GCC1: variants seen among roughly 807,000 people sequenced by gnomAD.
GCC1 encodes GRIP and coiled-coil domain-containing protein 1.
GCC1 carries 36 observed loss-of-function variants against 62.5 expected under a neutral mutation model. The observed-to-expected ratio is 0.58, with a 90% confidence interval of 0.44 to 0.76. The LOEUF is 0.76. Among genes scored for constraint, GCC1 ranks in the 30% least tolerant of loss-of-function variants. The pLI, the probability that GCC1 is intolerant of heterozygous loss-of-function variation, is 0.00. For synonymous variants in GCC1, 391 were observed against 386.8 expected (o/e 1.01, Z -0.13); for missense variants, 885 against 948.3 (o/e 0.93, Z 0.88).
Position 127,585,248 on chromosome 7 carries a change from AGGCG to A in GCC1, c.-70_-67del. The A allele has an allele frequency of 4.1e-6, 6 of 1,447,150 alleles. No homozygotes were observed. Among genetic ancestry groups the A allele is most frequent in the Non-Finnish European group, 4.6e-6 (5 of 1,078,040 alleles). The allele number at this position is 1,447,150 out of a possible 1,614,324, so 89.6% of individuals were successfully genotyped here. On this transcript the variant is annotated 5_prime_UTR_variant, in exon 1 of 2. Transcript: ENST00000321407. ...GAACGGGAGAGGGCCGTGAAGACGC[AGGCG>A]GGGGCTTAAAGAAACAGCGAGCGGG...
At position 127,585,231 on chromosome 7, in the gene GCC1, G is replaced by C; in HGVS notation, c.-49C>G. 1 of 1,508,774 alleles carries C rather than the reference G, an allele frequency of 6.6e-7. No individual in the cohort carries two copies. Among genetic ancestry groups the C allele is most frequent in the Non-Finnish European group, 8.9e-7 (1 of 1,128,640 alleles). The allele number at this position is 1,508,774 out of a possible 1,614,324, so 93.5% of individuals were successfully genotyped here. ...ACGTCAGCTTTCCAGCAGAACGGGA[G>C]AGGGCCGTGAAGACGCAGGCGGGGG... On this transcript the variant is annotated 5_prime_UTR_variant, in exon 1 of 2. Transcript: ENST00000321407.
rs1014979619 is a variant in GCC1, at chr7:127,582,046, T to G, written c.2296A>C (p.Ser766Arg). ...EKQVIMRLPTSASWWPSGKR is the reference protein window; with the variant it reads ...EKQVIMRLPTRASWWPSGKR ...TTGCCAGAAGGCCACCAGCTGGCAC[T>G]GGTTGGGAGTCGCATTATCACTTGT... The change falls in exon 2 of 2, where the codon AGT (serine) becomes CGT (arginine). Residue 766 changes from serine to arginine, a missense_variant. Transcript: ENST00000321407. This position sits in a 1 kb window ranked among gnomAD's most constrained non-coding sequence, Gnocchi z 4.8. The G allele has an allele frequency of 1.5e-5, 24 of 1,613,054 alleles. No individual in the cohort carries two copies. The Middle Eastern group carries it at 2.6e-3, about 178-fold the overall frequency.
Position 127,582,133 on chromosome 7 carries a change from G to T in GCC1, c.2209C>A (p.Leu737Met). Residue 737 changes from leucine to methionine, a missense_variant, in exon 2 of 2, where the codon CTG becomes ATG. Leu to Met is a conservative substitution (Grantham distance 15). Coordinates refer to ENST00000321407, the MANE Select transcript of GCC1 (RefSeq NM_024523.6). This position sits in a 1 kb window ranked among gnomAD's most constrained non-coding sequence, Gnocchi z 4.8. ...IYRFLTLPDS[L>M]GRQQTLTAIL... Reference sequence around the variant, plus strand: ...GCTGTGAGAGTCTGCTGGCGGCCCAGGGAGTCAGGTAAGGTCAGGAAGCGG... The same window carrying T: ...GCTGTGAGAGTCTGCTGGCGGCCCATGGAGTCAGGTAAGGTCAGGAAGCGG... 1 of 1,614,178 alleles carries T rather than the reference G, an allele frequency of 6.2e-7. No homozygotes were observed. The highest frequency in any genetic ancestry group is 8.5e-7 in the Non-Finnish European group (1 of 1,180,018).
rs1185124779 is a variant in GCC1 at position 127,582,754 on chromosome 7, T to C, written c.1588A>G (p.Lys530Glu). 1.2e-6 allele frequency: 2 copies of C among 1,613,708 alleles called. No individual in the cohort carries two copies. The highest frequency in any genetic ancestry group is 1.7e-6 in the Non-Finnish European group (2 of 1,179,906). Reference sequence around the variant, plus strand: ...CAGGAGAGCCGCAGGGAAATATACTTCTCCTTCAGCTCTGCAAGCTGTTCC... The same window carrying C: ...CAGGAGAGCCGCAGGGAAATATACTCCTCCTTCAGCTCTGCAAGCTGTTCC... ...AQEQLAELKEKYISLRLSCEE... is the reference protein window; with the variant it reads ...AQEQLAELKEEYISLRLSCEE... Residue 530 changes from lysine (K) to glutamate (E), a missense_variant, in exon 2 of 2, where the codon AAG becomes GAG. Coordinates refer to ENST00000321407, the MANE Select transcript of GCC1 (RefSeq NM_024523.6). This position sits in a 1 kb window ranked among gnomAD's most constrained non-coding sequence, Gnocchi z 4.8.
At position 127,582,203 on chromosome 7, in the gene GCC1, C is replaced by T. The variant is rs778788276; in HGVS notation, c.2139G>A (p.Gln713=). 4 of 1,614,104 alleles carry T rather than the reference C, an allele frequency of 2.5e-6. No homozygotes were observed. The African/African-American group carries it at 5.3e-5, about 22-fold the overall frequency. The change falls in exon 2 of 2, where the codon CAG becomes CAA. Residue 713 remains glutamine (Q), a synonymous_variant. Coordinates refer to ENST00000321407, the MANE Select transcript of GCC1 (RefSeq NM_024523.6). The surrounding 1 kb of genome is among the most constrained non-coding windows in gnomAD (Gnocchi z 4.8). ...QSHIEKNIRD[Q]SREGANLEYL... Reference sequence around the variant, plus strand: ...ACTCCAGATTGGCTCCCTCCCTGCTCTGGTCCCTGATGTTCTTTTCGATGT... The same window carrying T: ...ACTCCAGATTGGCTCCCTCCCTGCTTTGGTCCCTGATGTTCTTTTCGATGT...
chr7:127,583,694 G>A (rs1794166137), intron 1 of GCC1, among the ~76,000 whole-genome samples: 1 of 152,184 alleles, frequency 6.6e-6, no homozygotes, highest in African/African-American at 2.4e-5. Flanking sequence ...CACATTGAAA[G>A]GAGGCACCCT....
rs1794134677 is a variant in GCC1 at position 127,581,596 on chromosome 7, G to GTGA, written c.*415_*417dup. The GTGA allele has an allele frequency of 6.0e-6, 1 of 165,726 alleles. No individual in the cohort carries two copies. Among genetic ancestry groups the GTGA allele is most frequent in the Non-Finnish European group, 1.3e-5 (1 of 76,150 alleles). 10.3% of individuals were successfully genotyped at this position (165,726 alleles called of 1,614,324 possible). ...GGTAGCAATGGACCAGACTCAGACT[G>GTGA]TGATGAGAGGGAGAAAATAGCTAGG... On this transcript the variant is annotated 3_prime_UTR_variant, in exon 2 of 2. Coordinates refer to ENST00000321407, the MANE Select transcript of GCC1 (RefSeq NM_024523.6).
rs1056601109 is a variant in GCC1, at chr7:127,584,417, C to G, written c.766G>C (p.Glu256Gln). The G allele has an allele frequency of 6.2e-6, 10 of 1,613,938 alleles. No individual in the cohort carries two copies. The East Asian group carries it at 1.3e-4, about 22-fold the overall frequency. Residue 256 changes from glutamate (E) to glutamine (Q), a missense_variant, in exon 1 of 2, where the codon GAG (glutamate) becomes CAG (glutamine). Coordinates refer to ENST00000321407, the MANE Select transcript of GCC1 (RefSeq NM_024523.6). ...MLRELQKLLQ[E>Q]ERTQRQDLEL... ...AAGTCCTGGCGCTGGGTCCTCTCCT[C>G]CTGCAGCAGCTTCTGGAGCTCACGC...
In GCC1 at chr7:127,582,285, T is replaced by C. The variant is rs758548110; in HGVS notation, c.2057A>G (p.Asp686Gly). The change falls in exon 2 of 2, where the codon GAT (aspartate) becomes GGT (glycine). Residue 686 changes from aspartate (D) to glycine (G), a missense_variant. Transcript: ENST00000321407. This position sits in a 1 kb window ranked among gnomAD's most constrained non-coding sequence, Gnocchi z 4.8. ...CCGTTCGCCCTCCTCCAGCAGCCGA[T>C]CCTGCAGCTGATGCACCTCGACCTC... ...RLEVEVHQLQDRLLEEGERHR... is the reference protein window; with the variant it reads ...RLEVEVHQLQGRLLEEGERHR... 6.2e-7 allele frequency: 1 copy of C among 1,614,226 alleles called. No individual in the cohort carries two copies. The highest frequency in any genetic ancestry group is 8.5e-7 in the Non-Finnish European group (1 of 1,180,034).
rs1375888595 is a variant in GCC1, at chr7:127,583,154, C to A, written c.1188G>T (p.Glu396Asp). The A allele has an allele frequency of 6.2e-7, 1 of 1,614,090 alleles. No individual in the cohort carries two copies. ...KDQLAIQKLKERILQLDLENK... is the reference protein window; with the variant it reads ...KDQLAIQKLKDRILQLDLENK... ...TCTCCAGGTCCAGCTGCAGAATGCG[C>A]TCCTTCAGCTTCTGAATGGCCAGCT... is the stretch of plus-strand genomic sequence containing the variant. Residue 396 changes from glutamate to aspartate, a missense_variant, in exon 2 of 2, where the codon GAG becomes GAT. Coordinates refer to ENST00000321407, the MANE Select transcript of GCC1 (RefSeq NM_024523.6).
chr7:127,582,939 G>C lies in GCC1; in HGVS notation c.1403C>G (p.Ser468Trp). The C allele has an allele frequency of 6.2e-7, 1 of 1,614,088 alleles. No individual in the cohort carries two copies. Among genetic ancestry groups the C allele is most frequent in the Non-Finnish European group, 8.5e-7 (1 of 1,180,012 alleles). The part of the protein sequence containing the change: ...KLCDLEIMPS[S>W]EAADGEKATA... ...AGCCTTCTCCCCATCAGCAGCCTCC[G>C]AGCTGGGCATTATCTCCAGGTCACA... The change falls in exon 2 of 2, where the codon TCG (serine) becomes TGG (tryptophan). Residue 468 changes from serine to tryptophan, a missense_variant. Coordinates refer to ENST00000321407, the MANE Select transcript of GCC1 (RefSeq NM_024523.6). This position sits in a 1 kb window ranked among gnomAD's most constrained non-coding sequence, Gnocchi z 4.8.
In GCC1 at chr7:127,583,038, T is replaced by C. The variant is rs762751259; in HGVS notation, c.1304A>G (p.Lys435Arg). 5 of 1,614,026 alleles carry C rather than the reference T, an allele frequency of 3.1e-6. No individual in the cohort carries two copies. Among genetic ancestry groups the C allele is most frequent in the Non-Finnish European group, 4.2e-6 (5 of 1,180,030 alleles). Residue 435 changes from lysine (K) to arginine (R), a missense_variant, in exon 2 of 2, where the codon AAG (lysine) becomes AGG (arginine). Lys to Arg is a conservative substitution (Grantham distance 26, BLOSUM62 2). Transcript: ENST00000321407. ...CAGCAGCCTCTTCAGCTTCTCCATCTTATCTTTCAGGACATTGACATCCAG... is the reference window on the plus strand; with the variant it reads ...CAGCAGCCTCTTCAGCTTCTCCATCCTATCTTTCAGGACATTGACATCCAG... Reference protein sequence around the residue: ...SSLDVNVLKDKMEKLKRLLQV... With the variant: ...SSLDVNVLKDRMEKLKRLLQV...
Position 127,584,476 on chromosome 7 carries a change from C to T in GCC1, c.707G>A (p.Arg236Gln), listed in dbSNP as rs1794175720. ...KARLITQQHD[R>Q]AQEQSDHALM... The stretch of plus-strand genomic sequence containing the variant: ...GGCATGGTCACTCTGCTCTTGGGCC[C>T]GATCATGCTGCTGCGTGATAAGCCG... Residue 236 changes from arginine (R) to glutamine (Q), a missense_variant, in exon 1 of 2, where the codon CGG (arginine) becomes CAG (glutamine). Coordinates refer to ENST00000321407, the MANE Select transcript of GCC1 (RefSeq NM_024523.6). 1 of 1,613,978 alleles carries T rather than the reference C, an allele frequency of 6.2e-7. No individual in the cohort carries two copies. The highest frequency in any genetic ancestry group is 8.5e-7 in the Non-Finnish European group (1 of 1,180,008).
Position 127,582,442 on chromosome 7 carries a change from A to C in GCC1, c.1900T>G (p.Ser634Ala), listed in dbSNP as rs573023412. 3.7e-5 allele frequency: 59 copies of C among 1,613,962 alleles called. No homozygotes were observed. In the South Asian group the frequency reaches 5.4e-4, roughly 15 times the overall value. ...GCTTGGGTCAGGCTATCAGAGGATG[A>C]TGTGTCAGCTGGGTCCCCAGGACCG... is the stretch of plus-strand genomic sequence containing the variant. ...GGGPGDPADTSSSDSLTQALQ... is the reference protein window; with the variant it reads ...GGGPGDPADTASSDSLTQALQ... Residue 634 changes from serine (S) to alanine (A), a missense_variant, in exon 2 of 2, where the codon TCA becomes GCA. Transcript: ENST00000321407. This position sits in a 1 kb window ranked among gnomAD's most constrained non-coding sequence, Gnocchi z 4.8.
In GCC1 at chr7:127,584,276, T is replaced by C; in HGVS notation, c.907A>G (p.Lys303Glu). 1 of 1,613,746 alleles carries C rather than the reference T, an allele frequency of 6.2e-7. No individual in the cohort carries two copies. The highest frequency in any genetic ancestry group is 8.5e-7 in the Non-Finnish European group (1 of 1,179,964). ...TCTCGAATGGCCTGCAGTTCACTTT[T>C]CAGCTCCTCCACCTCACGGGTCAGC... ...KQLTREVEEL[K>E]SELQAIRDEK... Residue 303 changes from lysine (K) to glutamate (E), a missense_variant, in exon 1 of 2, where the codon AAA becomes GAA. Transcript: ENST00000321407.
rs771038043 is a variant in GCC1 at position 127,582,635 on chromosome 7, C to T, written c.1707G>A (p.Arg569=). 9 of 1,613,214 alleles carry T rather than the reference C, an allele frequency of 5.6e-6. No individual in the cohort carries two copies. Among genetic ancestry groups the T allele is most frequent in the Non-Finnish European group, 7.6e-6 (9 of 1,179,998 alleles). The change falls in exon 2 of 2, where the codon CGG becomes CGA. Residue 569 remains arginine, a synonymous_variant. Coordinates refer to ENST00000321407, the MANE Select transcript of GCC1 (RefSeq NM_024523.6). This position sits in a 1 kb window ranked among gnomAD's most constrained non-coding sequence, Gnocchi z 4.8. ...TGCGGTCCCTGAAGTCCAGCTGGCA[C>T]CGCTCCAGCTCCTGCCGGTGGAGCT... The part of the protein sequence containing the change: ...LQQLHRQELE[R]CQLDFRDRTL...
intron 1 of GCC1, 111 bp downstream of exon 1, chr7:127,584,040 T>A: frequency 1.1e-6 from 1 of 937,030 alleles, no homozygotes. Context: ...TCAGGTGGCA[T>A]CAAAAATGAC....
chr7:127,581,939 A>C lies in GCC1; in HGVS notation c.*75T>G. 9.2e-7 allele frequency: 1 copy of C among 1,087,846 alleles called. No individual in the cohort carries two copies. Among genetic ancestry groups the C allele is most frequent in the Non-Finnish European group, 1.4e-6 (1 of 733,424 alleles). 67.4% of individuals were successfully genotyped at this position (1,087,846 alleles called of 1,614,324 possible). On this transcript the variant is annotated 3_prime_UTR_variant, in exon 2 of 2. Coordinates refer to ENST00000321407, the MANE Select transcript of GCC1 (RefSeq NM_024523.6). ...GAAATAAATGACAATGTAAGAGAAGAGGCAGCAGAAACCAGAGCCTGCCCT... is the reference window on the plus strand; with the variant it reads ...GAAATAAATGACAATGTAAGAGAAGCGGCAGCAGAAACCAGAGCCTGCCCT...
rs763891408 is a variant in GCC1, at chr7:127,584,816, G to A, written c.367C>T (p.Arg123Cys). 2 of 1,614,170 alleles carry A rather than the reference G, an allele frequency of 1.2e-6. No homozygotes were observed. The highest frequency in any genetic ancestry group is 3.3e-5 in the Admixed American group (2 of 60,022). The stretch of plus-strand genomic sequence containing the variant: ...TCGGACTTTGGAGGTGGTGGTCCAC[G>A]GGCCGGTCTGTCATCTTCTACCCCA... ...EFGVEDDRPA[R>C]GPPPPKSEEA... Residue 123 changes from arginine to cysteine, a missense_variant, in exon 1 of 2, where the codon CGT becomes TGT. Physicochemically the swap from Arg to Cys is radical, Grantham distance 180. Coordinates refer to ENST00000321407, the MANE Select transcript of GCC1 (RefSeq NM_024523.6).
Sources: allele counts gnomAD v4.1 joint callset (sites outside exome capture counted in the v4.1 genomes callset), GRCh38; gene constraint gnomAD v4.1.1; non-coding constraint Gnocchi (gnomAD v3.1); transcripts MANE v1.5; gene names NCBI Gene and HGNC (gene_info 2026-07-23, HGNC 2026-07-21).